Variants in NEXMIF observed in about 807,000 individuals in gnomAD.
NEXMIF encodes XLMR protein related to neurite extension.
A neutral mutation model predicts 62.1 loss-of-function variants in NEXMIF; 8 were observed. The observed-to-expected ratio is 0.13, with a 90% CI of 0.08 to 0.23. NEXMIF has a LOEUF of 0.23. Among genes scored for constraint, NEXMIF ranks in the 10% least tolerant of loss-of-function variants. NEXMIF has a pLI of 1.00. For synonymous variants in NEXMIF, 404 were observed against 416.6 expected (o/e 0.97, Z 0.37); for missense variants, 976 against 1,113.3 (o/e 0.88, Z 1.75).
intron 1 of NEXMIF, among the ~76,000 whole-genome samples, chrX:74,764,373 T>G (rs1487519259): frequency 8.9e-6 from 1 of 111,939 alleles, no homozygotes; most frequent in Non-Finnish European, 1.9e-5. Flanking sequence ...GGTTTGCCAG[T>G]ATTTTATTGA....
intron 1 of NEXMIF, among the ~76,000 whole-genome samples, chrX:74,835,520 A>G (rs2080453396): frequency 8.9e-6 from 1 of 112,295 alleles, no homozygotes; most frequent in Non-Finnish European, 1.9e-5. Flanking sequence ...CAGACTCATA[A>G]GAGGTACCAC....
In NEXMIF at chrX:74,909,659, G is replaced by C. The variant is rs572469709; in HGVS notation, c.-48+15224C>G. Among the ~76,000 whole-genome samples the C allele has an allele frequency of 2.5e-4, 28 of 112,135 alleles. No homozygotes were observed. The South Asian group carries it at 0.011, about 42-fold the overall frequency. On this transcript the variant is annotated intron_variant, in intron 1 of 3. Transcript: ENST00000055682. ...CACATGTTAATCCCCAAGACAATGG[G>C]GAAAATGTCTCCAGGGCATATCACA...
rs762989174 is a variant in NEXMIF, at chrX:74,853,409, T to G, written c.-48+71474A>C. 2.8e-5 allele frequency among the ~76,000 whole-genome samples: 3 copies of G among 107,937 alleles called. No homozygotes were observed. The East Asian group carries it at 9.0e-4, about 32-fold the overall frequency. The allele number at this position is 107,937 out of a possible 115,157, so 93.7% of individuals were successfully genotyped here. A position where few individuals can be genotyped will look rare whatever the true frequency, so the allele number is the denominator to read the frequency against. ...TCCACCTGGTGGAGGCCATGATGCC[T>G]GTACACACGGTTTTACCTGGAGGCT... On this transcript the variant is annotated intron_variant, in intron 1 of 3. Transcript: ENST00000055682.
chrX:74,843,830 T>C (rs1419340689), intron 1 of NEXMIF, among the ~76,000 whole-genome samples: 2 of 112,405 alleles, frequency 1.8e-5, no homozygotes, highest in Admixed American at 1.9e-4. Context: ...ATTGTGCTGT[T>C]AGCTGGTTAT....
intron 1 of NEXMIF, among the ~76,000 whole-genome samples, chrX:74,800,222 C>T (rs2080325364): frequency 9.0e-6 from 1 of 111,464 alleles, no homozygotes. Context: ...GCCTGTTTCT[C>T]CCTCTGTAAA....
chrX:74,796,027 A>G (rs1193870859), intron 1 of NEXMIF, among the ~76,000 whole-genome samples: 1 of 96,307 alleles, frequency 1.0e-5, no homozygotes, highest in East Asian at 3.2e-4. Flanking sequence ...GTTACAGATA[A>G]AAAGAAAGGA....
chrX:74,808,644 A>T (rs1002889185), intron 1 of NEXMIF, among the ~76,000 whole-genome samples: 1 of 112,202 alleles, frequency 8.9e-6, no homozygotes, highest in East Asian at 2.8e-4. Flanking sequence ...GAGAACTGGT[A>T]TAACTTCTTC....
At chrX:74,876,412 T>C (rs1169193451) in intron 1 of NEXMIF, among the ~76,000 whole-genome samples, 6 of 111,601 alleles carry the variant, frequency 5.4e-5, no homozygotes, top group Non-Finnish European at 1.1e-4. Context: ...TGCTTCCAAG[T>C]ATATGGTCAA....
intron 1 of NEXMIF, among the ~76,000 whole-genome samples, chrX:74,791,417 A>G (rs1418470843): frequency 5.1e-4 from 57 of 111,453 alleles, no homozygotes; most frequent in African/African-American, 1.8e-3. Context: ...ATGTTCATCA[A>G]GGATAGTGGT....
Position 74,925,154 on chromosome X carries a change from C to G in NEXMIF, c.-319G>C, listed in dbSNP as rs2080840341. 8.6e-6 allele frequency: 1 copy of G among 116,177 alleles called. No homozygotes were observed. The allele number at this position is 116,177 out of a possible 1,213,427, so 9.6% of individuals were successfully genotyped here. ...TAGATGGAGTCAGAGCTGTCGGGCT[C>G]TGGCCCTGAAACTCAGAGCCTCCGC... is the stretch of plus-strand genomic sequence containing the variant. On this transcript the variant is annotated 5_prime_UTR_variant, in exon 1 of 4. Coordinates refer to ENST00000055682, the MANE Select transcript of NEXMIF (RefSeq NM_001008537.3).
intron 1 of NEXMIF, among the ~76,000 whole-genome samples, chrX:74,766,526 A>G (rs1244541909): frequency 9.0e-6 from 1 of 111,635 alleles, no homozygotes; most frequent in Non-Finnish European, 1.9e-5. Context: ...TCAGCTGTTA[A>G]TAGTTGTGAC....
chrX:74,873,508 TA>T (rs1399558646), intron 1 of NEXMIF, among the ~76,000 whole-genome samples: 1 of 112,171 alleles, frequency 8.9e-6, no homozygotes, highest in Non-Finnish European at 1.9e-5. Flanking sequence ...ATATACCCAG[TA>T]ATGGGATGGC....
At chrX:74,767,373 G>A (rs2366482) in intron 1 of NEXMIF, among the ~76,000 whole-genome samples, 15,590 of 112,342 alleles carry the variant, frequency 0.14, 1,667 homozygotes, top group East Asian at 0.91. Flanking sequence ...ATGGCGGCCT[G>A]TCCCTCTCTC....
chrX:74,848,119 T>C (rs2147492668), intron 1 of NEXMIF, among the ~76,000 whole-genome samples: 1 of 111,804 alleles, frequency 8.9e-6, no homozygotes, highest in African/African-American at 3.2e-5. Context: ...TATTCAAAGG[T>C]TATGATTATT....
chrX:74,857,427 G>A (rs1420952272), intron 1 of NEXMIF, among the ~76,000 whole-genome samples: 1 of 111,834 alleles, frequency 8.9e-6, no homozygotes, highest in Non-Finnish European at 1.9e-5. Flanking sequence ...AAGGGTACCC[G>A]TTGCCTTCAA....
rs761246984 is a variant in NEXMIF at position 74,857,058 on chromosome X, GGGCTCTAAGTAAATTTGAAA to G, written c.-48+67805_-48+67824del. ...TTGCCATCATCTGCTAAAGTGCTCT[GGGCTCTAAGTAAATTTGAAA>G]GGCGGTCTAGGACACAAGAACTGCA... On this transcript the variant is annotated intron_variant, in intron 1 of 3. Coordinates refer to ENST00000055682, the MANE Select transcript of NEXMIF (RefSeq NM_001008537.3). Among the ~76,000 whole-genome samples, 6 of 112,199 alleles carry G rather than the reference GGGCTCTAAGTAAATTTGAAA, an allele frequency of 5.3e-5. No homozygotes were observed. The East Asian group carries it at 1.7e-3, about 32-fold the overall frequency.
At chrX:74,796,871 G>A (rs1424572560) in intron 1 of NEXMIF, among the ~76,000 whole-genome samples, 1 of 111,589 alleles carries the variant, frequency 9.0e-6, no homozygotes, top group Non-Finnish European at 1.9e-5. Context: ...CTTGGGTGTG[G>A]GCTGGACTTA....
intron 1 of NEXMIF, among the ~76,000 whole-genome samples, chrX:74,824,069 G>A (rs2080406548): frequency 9.0e-6 from 1 of 111,199 alleles, no homozygotes; most frequent in South Asian, 3.8e-4. Context: ...CTCAGGGCAA[G>A]TTTCTATATT....
At chrX:74,824,849 C>A (rs1158206458) in intron 1 of NEXMIF, among the ~76,000 whole-genome samples, 2 of 110,324 alleles carry the variant, frequency 1.8e-5, no homozygotes, top group Non-Finnish European at 3.8e-5. Flanking sequence ...AGAGTTTCAC[C>A]GTGTTAGCCA....
Sources: gnomAD v4.1 joint callset for allele counts (sites outside exome capture counted in the v4.1 genomes callset) on GRCh38, gnomAD v4.1.1 for gene constraint, MANE v1.5 for transcripts, NCBI Gene and HGNC (gene_info 2026-07-23, HGNC 2026-07-21) for gene names.